Variants in DBX2 observed in about 807,000 individuals in gnomAD.
DBX2 encodes homeobox protein DBX2.
DBX2 carries 16 observed loss-of-function variants against 17.7 expected under a neutral mutation model. The ratio of observed to expected loss-of-function variants is 0.90; its 90% CI spans 0.61 to 1.37. DBX2 has a LOEUF of 1.37. DBX2 is among the 40% of genes most tolerant of loss of function. The pLI is 0.00. For missense variants in DBX2, 538 were observed against 433.8 expected (o/e 1.24, Z -2.13); for synonymous variants, 255 against 183.8 (o/e 1.39, Z -3.13).
chr12:45,038,503 ATG>A (rs1251747110), intron 1 of DBX2, among the ~76,000 whole-genome samples: 2 of 151,078 alleles, frequency 1.3e-5, no homozygotes, highest in Admixed American at 6.6e-5. Flanking sequence ...TGTATGCAAT[ATG>A]TGTGTGTGTA....
At chr12:45,027,526 T>C (rs1368430711) in intron 2 of DBX2, among the ~76,000 whole-genome samples, 1 of 152,198 alleles carries the variant, frequency 6.6e-6, no homozygotes, top group East Asian at 1.9e-4. Flanking sequence ...ATATGTAAAT[T>C]CACTTGGTAA....
In DBX2 at chr12:45,023,703, G is replaced by A; in HGVS notation, c.687+4C>T. 6.2e-7 allele frequency: 1 copy of A among 1,613,986 alleles called. No individual in the cohort carries two copies. The highest frequency in any genetic ancestry group is 8.5e-7 in the Non-Finnish European group (1 of 1,179,948). On this transcript the variant is annotated splice_donor_region_variant and intron_variant, in intron 3 of 3. Coordinates refer to ENST00000332700, the MANE Select transcript of DBX2 (RefSeq NM_001004329.3). ...GCAGTAGACATCTTCCTGCTTATTA[G>A]TACCTGTGATTCCTTTAGTCCCAAG... is the stretch of plus-strand genomic sequence containing the variant.
At chr12:45,017,679 T>C (rs2731050) in intron 3 of DBX2, among the ~76,000 whole-genome samples, 96,498 of 151,958 alleles carry the variant, frequency 0.64, 31,089 homozygotes, top group South Asian at 0.84. Context: ...TTGAACCATA[T>C]CTTCCTCCAA....
chr12:45,027,419 G>T (rs1417140006), intron 2 of DBX2, among the ~76,000 whole-genome samples: 2 of 152,080 alleles, frequency 1.3e-5, no homozygotes, highest in Non-Finnish European at 2.9e-5. Flanking sequence ...CTGCATTCTG[G>T]CATGCTTAAT....
intron 1 of DBX2, among the ~76,000 whole-genome samples, chr12:45,049,778 T>C (rs1422173087): frequency 6.6e-6 from 1 of 152,178 alleles, no homozygotes; most frequent in Admixed American, 6.5e-5. Flanking sequence ...TTTGACTAAA[T>C]TGTCGGCATC....
chr12:45,043,702 G>T (rs1257966898), intron 1 of DBX2, among the ~76,000 whole-genome samples: 1 of 152,166 alleles, frequency 6.6e-6, no homozygotes, highest in African/African-American at 2.4e-5. Context: ...AGCCCAGTCA[G>T]CCCACAAAAC....
chr12:45,022,162 G>C (rs1946355963), intron 3 of DBX2, among the ~76,000 whole-genome samples: 1 of 152,130 alleles, frequency 6.6e-6, no homozygotes, highest in African/African-American at 2.4e-5. Flanking sequence ...ACAGCGAGGA[G>C]AGCACAGACT....
At chr12:45,031,468 C>T (rs1435554466) in intron 2 of DBX2, among the ~76,000 whole-genome samples, 2 of 151,988 alleles carry the variant, frequency 1.3e-5, no homozygotes, top group Non-Finnish European at 1.5e-5. Flanking sequence ...ACTCATTGGT[C>T]CCAATTCTAC....
At chr12:45,039,449 G>A (rs1378745919) in intron 1 of DBX2, among the ~76,000 whole-genome samples, 5 of 151,008 alleles carry the variant, frequency 3.3e-5, no homozygotes, top group African/African-American at 1.2e-4. Context: ...AGAATTACTT[G>A]GAAGGTGCTC....
rs894150392 is a variant in DBX2, at chr12:45,050,646, G to A, written c.282C>T (p.Pro94=). Residue 94 remains proline (P), a synonymous_variant, in exon 1 of 4, where the codon CCC becomes CCT. Coordinates refer to ENST00000332700, the MANE Select transcript of DBX2 (RefSeq NM_001004329.3). ...ACCGCGTTCCGTAGGGCGCCCCGGC[G>A]GGGCTAACTTGTTCGGCTGCGGGGC... ...KLCPAAEQVS[P]AGAPYGTRWA... is the part of the protein sequence containing the mutation. 5 of 1,549,706 alleles carry A rather than the reference G, an allele frequency of 3.2e-6. No homozygotes were observed. Among genetic ancestry groups the A allele is most frequent in the East Asian group, 2.4e-5 (1 of 40,912 alleles).
At chr12:45,023,625 G>A (rs988224146) in intron 3 of DBX2, 82 bp downstream of exon 3, 7 of 1,523,454 alleles carry the variant, frequency 4.6e-6, no homozygotes, top group Admixed American at 2.0e-5. Flanking sequence ...AGTTGCCTAC[G>A]GCCCACCACC....
chr12:45,032,539 T>G (rs1477891589), intron 2 of DBX2, among the ~76,000 whole-genome samples: 1 of 152,176 alleles, frequency 6.6e-6, no homozygotes, highest in Non-Finnish European at 1.5e-5. Flanking sequence ...CATTCACAAT[T>G]AGAAAAATAA....
intron 1 of DBX2, among the ~76,000 whole-genome samples, chr12:45,038,966 T>C (rs1189049898): frequency 6.6e-6 from 1 of 152,054 alleles, no homozygotes. Flanking sequence ...ACTAAAGAAC[T>C]GGACTTCTTC....
At chr12:45,048,743 A>C (rs142468788) in intron 1 of DBX2, among the ~76,000 whole-genome samples, 1 of 152,326 alleles carries the variant, frequency 6.6e-6, no homozygotes, top group East Asian at 1.9e-4. Context: ...TTTTCTTTAC[A>C]AGAATAATTT....
chr12:45,042,945 G>C (rs1185173994), intron 1 of DBX2, among the ~76,000 whole-genome samples: 1 of 152,182 alleles, frequency 6.6e-6, no homozygotes, highest in Admixed American at 6.5e-5. Flanking sequence ...CCTTCAGGGA[G>C]TCTCAATTAG....
At chr12:45,041,150 TTAA>T (rs1267910889) in intron 1 of DBX2, among the ~76,000 whole-genome samples, 1 of 147,374 alleles carries the variant, frequency 6.8e-6, no homozygotes, top group African/African-American at 2.5e-5. Flanking sequence ...AAACTAATCA[TTAA>T]TAATGAATTA....
chr12:45,050,159 G>A (rs529777704), intron 1 of DBX2, among the ~76,000 whole-genome samples: 9 of 152,284 alleles, frequency 5.9e-5, no homozygotes, highest in African/African-American at 1.9e-4. Flanking sequence ...ACAGGACCGG[G>A]CAGGTTAGAA....
rs754491176 is a variant in DBX2, at chr12:45,050,687, C to G, written c.241G>C (p.Val81Leu). The G allele has an allele frequency of 6.5e-7, 1 of 1,540,728 alleles. No individual in the cohort carries two copies. The highest frequency in any genetic ancestry group is 2.0e-5 in the Admixed American group (1 of 50,302). Residue 81 changes from valine (V) to leucine (L), a missense_variant, in exon 1 of 4, where the codon GTT becomes CTT. Coordinates refer to ENST00000332700, the MANE Select transcript of DBX2 (RefSeq NM_001004329.3). ...GCTGCGGGGCACAGCTTTAGGGGAA[C>G]TGGGCTAGCAGGCAGGGGCCGGAGC... is the stretch of plus-strand genomic sequence containing the variant. The part of the protein sequence containing the change: ...AQLRPLPASP[V>L]PLKLCPAAEQ...
intron 3 of DBX2, among the ~76,000 whole-genome samples, chr12:45,018,723 CA>C (rs1946336102): frequency 6.6e-6 from 1 of 151,804 alleles, no homozygotes; most frequent in East Asian, 1.9e-4. Flanking sequence ...TCACAATAGC[CA>C]AAAATGGGAA....
Sources: allele counts gnomAD v4.1 joint callset (sites outside exome capture counted in the v4.1 genomes callset), GRCh38; gene constraint gnomAD v4.1.1; transcripts MANE v1.5; gene names NCBI Gene and HGNC (gene_info 2026-07-23, HGNC 2026-07-21).